The following PALM2AKAP2 variants were observed in gnomAD, a reference collection of about 807,000 sequenced individuals.
PALM2AKAP2 encodes the protein PALM2 and AKAP2 fusion, also known as PALM2-AKAP2 fusion protein.
In PALM2AKAP2, 37 loss-of-function variants were observed where a neutral mutation model predicts 71.5. That is an observed-to-expected ratio of 0.52 (90% CI 0.40 to 0.68). The LOEUF (loss-of-function observed/expected upper bound fraction) is 0.68, where lower values mean the gene tolerates loss of function less well. Ranked by LOEUF, PALM2AKAP2 falls within the 30% of genes least tolerant of loss-of-function variation. PALM2AKAP2 has a pLI of 0.00. For missense variants in PALM2AKAP2, 1,224 were observed against 1,191.8 expected, an observed-to-expected ratio of 1.03 and a Z score of -0.40; for synonymous variants, 468 against 478.8, an observed-to-expected ratio of 0.98 and a Z score of 0.29.
chr9:109,777,801 A>G (rs148179797), upstream of PALM2AKAP2, among the ~76,000 whole-genome samples: 1 of 151,326 alleles, frequency 6.6e-6, no homozygotes, highest in Non-Finnish European at 1.5e-5. Context: ...TTTTCCTTCT[A>G]CTTCTCGGAT....
intron 1 of PALM2AKAP2, among the ~76,000 whole-genome samples, chr9:109,741,905 A>G (rs1828720184): frequency 6.6e-6 from 1 of 152,204 alleles, no homozygotes; most frequent in Non-Finnish European, 1.5e-5. Flanking sequence ...TCCAAGTGAG[A>G]AGAAAGTTGC....
At chr9:109,919,721 A>ATATG (rs1554726510) in intron 3 of PALM2AKAP2, among the ~76,000 whole-genome samples, 11 of 148,808 alleles carry the variant, frequency 7.4e-5, no homozygotes, top group African/African-American at 2.8e-4. Flanking sequence ...ATATATATAT[A>ATATG]TGTGTGTATA....
upstream of PALM2AKAP2, among the ~76,000 whole-genome samples, chr9:109,775,746 G>A (rs567452902): frequency 1.2e-4 from 19 of 152,252 alleles, no homozygotes; most frequent in African/African-American, 4.3e-4. Context: ...CTCACACAAC[G>A]GGCCTTGGCA....
intron 1 of PALM2AKAP2, among the ~76,000 whole-genome samples, chr9:109,698,463 G>A (rs1275266553): frequency 1.3e-5 from 2 of 152,078 alleles, no homozygotes; most frequent in African/African-American, 4.8e-5. Flanking sequence ...ATTTTTAGTA[G>A]AGACAGAGTT....
intron 7 of PALM2AKAP2, among the ~76,000 whole-genome samples, chr9:110,023,184 C>T (rs1439110523): frequency 1.3e-5 from 2 of 151,702 alleles, no homozygotes; most frequent in Non-Finnish European, 2.9e-5. Context: ...AACTAGTTTA[C>T]AGTCCCACCA....
intron 6 of PALM2AKAP2, among the ~76,000 whole-genome samples, chr9:109,960,037 T>G (rs1432700167): frequency 6.6e-6 from 1 of 152,166 alleles, no homozygotes; most frequent in African/African-American, 2.4e-5. Flanking sequence ...AACAACTTCT[T>G]CTCCATCACC....
chr9:109,739,439 A>C (rs1194968528), intron 1 of PALM2AKAP2, among the ~76,000 whole-genome samples: 1 of 152,212 alleles, frequency 6.6e-6, no homozygotes, highest in Admixed American at 6.5e-5. Flanking sequence ...TACTCATCCA[A>C]AGCTGAACTA....
At chr9:109,711,577 C>A (rs1211654906) in intron 1 of PALM2AKAP2, among the ~76,000 whole-genome samples, 1 of 152,148 alleles carries the variant, frequency 6.6e-6, no homozygotes. Flanking sequence ...TTATGAGGGC[C>A]CCAAGGCTGG....
chr9:110,071,723 G>A (rs1007696649), intron 1 of PALM2AKAP2, among the ~76,000 whole-genome samples: 1 of 152,194 alleles, frequency 6.6e-6, no homozygotes, highest in African/African-American at 2.4e-5. Flanking sequence ...ATTGTTTCTT[G>A]TGGGTAAATT....
At chr9:109,647,576 C>T (rs1235259607) in intron 1 of PALM2AKAP2, among the ~76,000 whole-genome samples, 1 of 152,142 alleles carries the variant, frequency 6.6e-6, no homozygotes, top group African/African-American at 2.4e-5. Flanking sequence ...TTTGAGAGCC[C>T]CTGTTTCCCC....
At chr9:109,841,936 G>C (rs1828703845) in intron 1 of PALM2AKAP2, among the ~76,000 whole-genome samples, 2 of 139,498 alleles carry the variant, frequency 1.4e-5, no homozygotes, top group Admixed American at 7.1e-5. Context: ...GTAGAGGGGA[G>C]GGTGGAAGGA....
At chr9:109,743,359 C>T (rs181914751) in intron 1 of PALM2AKAP2, among the ~76,000 whole-genome samples, 28 of 151,772 alleles carry the variant, frequency 1.8e-4, no homozygotes, top group East Asian at 3.9e-4. Flanking sequence ...CAGACAATGA[C>T]GGTTAGGAGC....
At chr9:109,823,935 C>G (rs1587936310) in intron 1 of PALM2AKAP2, among the ~76,000 whole-genome samples, 1 of 152,322 alleles carries the variant, frequency 6.6e-6, no homozygotes, top group East Asian at 1.9e-4. Context: ...GGCGCCCAGG[C>G]TGGGGTGCGG....
At chr9:109,791,066 A>G (rs1481249660) in intron 1 of PALM2AKAP2, among the ~76,000 whole-genome samples, 1 of 152,176 alleles carries the variant, frequency 6.6e-6, no homozygotes, top group Non-Finnish European at 1.5e-5. Context: ...AATAGATGAG[A>G]TAGGTTTGGC....
rs541570819 is a variant in PALM2AKAP2, at chr9:109,913,358, C to G, written c.258-10377C>G. Among the ~76,000 whole-genome samples, 14 of 152,306 alleles carry G rather than the reference C, an allele frequency of 9.2e-5. No homozygotes were observed. The East Asian group carries it at 2.7e-3, about 29-fold the overall frequency. On this transcript the variant is annotated intron_variant, in intron 3 of 9. Transcript: ENST00000302798. ...AGCTGGCAAAGGCTCTGGCAGGAAG[C>G]CAGACGGACACAAATAGCGCACCAA...
At chr9:109,816,173 C>T (rs1827846133) in intron 1 of PALM2AKAP2, among the ~76,000 whole-genome samples, 1 of 152,180 alleles carries the variant, frequency 6.6e-6, no homozygotes, top group Non-Finnish European at 1.5e-5. Context: ...TTCTCCTACA[C>T]TCCAGGGCAC....
At chr9:110,001,179 T>C (rs993514793) in intron 6 of PALM2AKAP2, among the ~76,000 whole-genome samples, 4 of 152,234 alleles carry the variant, frequency 2.6e-5, no homozygotes, top group Non-Finnish European at 5.9e-5. Flanking sequence ...CCATCTTGAA[T>C]AAATTTTTGT....
chr9:109,780,489 A>T, exon 1 of PALM2AKAP2: 6 of 1,613,504 alleles, frequency 3.7e-6, no homozygotes, highest in Non-Finnish European at 5.1e-6. Context: ...CTTCTCCAGG[A>T]TGGCAGAGGC....
intron 1 of PALM2AKAP2, among the ~76,000 whole-genome samples, chr9:109,750,596 G>GTGTGTGTGTGTA (rs1333384123): frequency 6.6e-6 from 1 of 151,660 alleles, no homozygotes; most frequent in Non-Finnish European, 1.5e-5. Context: ...GTGTGTGTGT[G>GTGTGTGTGTGTA]TGTGTATGTG....
Sources: gnomAD v4.1 joint callset for allele counts (sites outside exome capture counted in the v4.1 genomes callset) on GRCh38, gnomAD v4.1.1 for gene constraint, MANE v1.5 for transcripts, NCBI Gene and HGNC (gene_info 2026-07-23, HGNC 2026-07-21) for gene names.